MUC4: variants seen among roughly 807,000 people sequenced by gnomAD.
MUC4 encodes mucin 4, cell surface associated.
MUC4 carries 202 observed loss-of-function variants against 257.9 expected under a neutral mutation model. The ratio of observed to expected loss-of-function variants is 0.78; its 90% confidence interval spans 0.70 to 0.88. The LOEUF (loss-of-function observed/expected upper bound fraction) is 0.88, where lower values mean the gene tolerates loss of function less well. Ranked by LOEUF, MUC4 falls within the 40% of genes least tolerant of loss-of-function variation. MUC4 has a pLI of 0.00. For synonymous variants in MUC4, 2,351 were observed against 2,757.1 expected (o/e 0.85, Z 4.62); for missense variants, 5,976 against 6,513.7 (o/e 0.92, Z 2.84).
In MUC4 at chr3:195,790,529, T is replaced by C. The variant is rs751894589; in HGVS notation, c.1051A>G (p.Thr351Ala). The change falls in exon 2 of 25, where the codon ACT (threonine) becomes GCT (alanine). Residue 351 changes from threonine to alanine, a missense_variant. This residue lies in a region of MUC4 where 1,583 missense variants were observed against 1,257.4 expected (regional missense o/e 1.26). Coordinates refer to ENST00000463781, the MANE Select transcript of MUC4 (RefSeq NM_018406.7). ...LNTLTPVTTSTVLSSPSGFNP... is the reference protein window; with the variant it reads ...LNTLTPVTTSAVLSSPSGFNP... ...AATCCACTTGGTGAGGATAAAACAG[T>C]TGATGTTGTAACCGGTGTGAGGGTG... 6.2e-7 allele frequency: 1 copy of C among 1,613,904 alleles called. No homozygotes were observed. Among genetic ancestry groups the C allele is most frequent in the South Asian group, 1.1e-5 (1 of 91,072 alleles).
rs112080314 is a variant in MUC4 at position 195,766,677 on chromosome 3, A to T, written c.13604T>A (p.Leu4535Gln). The stretch of plus-strand genomic sequence containing the variant: ...GGCACTTTTACCTGAGTTGGAATTC[A>T]GGAATCTATCAGGGCGATACCTCTC... ...VWERYRPDRF[L>Q]NSNSGLQGLQ... is the part of the protein sequence containing the mutation. Residue 4535 changes from leucine (L) to glutamine (Q), a missense_variant, in exon 8 of 25, where the codon CTG (leucine) becomes CAG (glutamine). Physicochemically the swap from Leu to Gln is moderately radical, Grantham distance 113 (BLOSUM62 -2). This residue lies in a region of MUC4 where 996 missense variants were observed against 1,137.3 expected (regional missense o/e 0.88). Coordinates refer to ENST00000463781, the MANE Select transcript of MUC4 (RefSeq NM_018406.7). 1.2e-6 allele frequency: 2 copies of T among 1,614,186 alleles called. No individual in the cohort carries two copies. The highest frequency in any genetic ancestry group is 2.7e-5 in the African/African-American group (2 of 75,056).
intron 1 of MUC4, among the ~76,000 whole-genome samples, chr3:195,793,084 TAACA>T (rs112089640): frequency 2.0e-5 from 3 of 151,940 alleles, no homozygotes; most frequent in African/African-American, 7.2e-5. Flanking sequence ...TATACCTGTG[TAACA>T]AACCTGCACG....
At chr3:195,747,516 C>T in intron 24 of MUC4, 136 bp from the exon 25 acceptor site, 1 of 1,086,118 alleles carries the variant, frequency 9.2e-7, no homozygotes, top group Non-Finnish European at 1.3e-6. Flanking sequence ...TGAGTCAGCC[C>T]TGAGGCCGTG....
At position 195,784,635 on chromosome 3, in the gene MUC4, T is replaced by G. The variant is rs6764460; in HGVS notation, c.6945A>C (p.Thr2315=). Residue 2315 remains threonine, a synonymous_variant, in exon 2 of 25, where the codon ACA becomes ACC. Coordinates refer to ENST00000463781, the MANE Select transcript of MUC4 (RefSeq NM_018406.7). ...TGACAGGAAGAGGGGTGGCGTGACCTGTGGATGCTGAGGAAGCGTCGGTGA... is the reference window on the plus strand; with the variant it reads ...TGACAGGAAGAGGGGTGGCGTGACCGGTGGATGCTGAGGAAGCGTCGGTGA... ...LHVTDASSAS[T]GHATPLPVTS... The G allele has an allele frequency of 5.8e-6, 8 of 1,387,934 alleles. No individual in the cohort carries two copies. The highest frequency in any genetic ancestry group is 2.2e-5 in the Admixed American group (1 of 46,100). The allele number at this position is 1,387,934 out of a possible 1,614,324, so 86.0% of individuals were successfully genotyped here.
intron 1 of MUC4, among the ~76,000 whole-genome samples, chr3:195,795,733 T>C (rs1008363344): frequency 1.3e-5 from 2 of 151,460 alleles, no homozygotes; most frequent in Admixed American, 6.6e-5. Flanking sequence ...GAATGAAGGA[T>C]ATAGTAACAG....
chr3:195,800,422 G>A (rs142104389), intron 1 of MUC4, among the ~76,000 whole-genome samples: 148 of 152,334 alleles, frequency 9.7e-4, no homozygotes, highest in African/African-American at 3.3e-3. Flanking sequence ...GTCACTGCAT[G>A]TGGAGGACAT....
chr3:195,780,344 G>A lies in MUC4; in HGVS notation c.11236C>T (p.Pro3746Ser), dbSNP rs1192833264. Reference sequence around the variant, plus strand: ...GATGCTGAGGAAGTGCTGGTGACAGGAAGAGGGGTGACGTGACCTGTGGAT... The same window carrying A: ...GATGCTGAGGAAGTGCTGGTGACAGAAAGAGGGGTGACGTGACCTGTGGAT... ...SASTGHVTPLPVTSTSSASTG... is the reference protein window; with the variant it reads ...SASTGHVTPLSVTSTSSASTG... Residue 3746 changes from proline (P) to serine (S), a missense_variant, in exon 2 of 25, where the codon CCT becomes TCT. Coordinates refer to ENST00000463781, the MANE Select transcript of MUC4 (RefSeq NM_018406.7). The A allele has an allele frequency of 2.8e-6, 4 of 1,414,426 alleles. No individual in the cohort carries two copies. Among genetic ancestry groups the A allele is most frequent in the Non-Finnish European group, 3.8e-6 (4 of 1,044,754 alleles). 87.6% of individuals were successfully genotyped at this position (1,414,426 alleles called of 1,614,324 possible).
intron 7 of MUC4, among the ~76,000 whole-genome samples, chr3:195,767,721 CCACCATCACCACCACCAT>C (rs879559326): frequency 0.87 from 39,031 of 45,020 alleles, 18,581 homozygotes; most frequent in Admixed American, 0.91. Context: ...TCGGCCACCA[CCACCATCACCACCACCAT>C]CACCATCGCC....
At position 195,786,715 on chromosome 3, in the gene MUC4, GTGTCGGTGACA is replaced by G; in HGVS notation, c.4854_4864del (p.Val1619PhefsTer7). On this transcript the variant is annotated frameshift_variant, in exon 2 of 25. Transcript: ENST00000463781. LOFTEE classifies it high-confidence loss of function. ...GGTGTCACCTGTGGATGCTGAGGAA[GTGTCGGTGACA>G]GGAAGAGGGGTGGTGTGACCTGTAG... 3 of 1,519,316 alleles carry G rather than the reference GTGTCGGTGACA, an allele frequency of 2.0e-6. 1 individual carries two copies. Among genetic ancestry groups the G allele is most frequent in the Non-Finnish European group, 2.7e-6 (3 of 1,130,594 alleles). The allele number at this position is 1,519,316 out of a possible 1,614,324, so 94.1% of individuals were successfully genotyped here.
Position 195,746,960 on chromosome 3 carries a change from C to T in MUC4, c.*216G>A, listed in dbSNP as rs1412664343. The T allele has an allele frequency of 2.9e-6, 2 of 677,990 alleles. No homozygotes were observed. Among genetic ancestry groups the T allele is most frequent in the African/African-American group, 1.8e-5 (1 of 55,568 alleles). The allele number at this position is 677,990 out of a possible 1,614,324, so 42.0% of individuals were successfully genotyped here. A position where few individuals can be genotyped will look rare whatever the true frequency, so the allele number is the denominator to read the frequency against. The stretch of plus-strand genomic sequence containing the variant: ...TCTGTGGGTGTGTCTGCGTGAGGAC[C>T]CATCCATGCATGTTTGATCTTTATG... On this transcript the variant is annotated 3_prime_UTR_variant, in exon 25 of 25. Coordinates refer to ENST00000463781, the MANE Select transcript of MUC4 (RefSeq NM_018406.7).
intron 1 of MUC4, among the ~76,000 whole-genome samples, chr3:195,802,143 T>C (rs1225153740): frequency 1.3e-5 from 2 of 152,204 alleles, no homozygotes; most frequent in African/African-American, 2.4e-5. Context: ...CAATCTTTCC[T>C]TGCAAGCTTT....
At chr3:195,778,557 C>T (rs1445449561) in intron 2 of MUC4, 102 bp from the exon 3 acceptor site, 20 of 1,458,226 alleles carry the variant, frequency 1.4e-5, no homozygotes, top group East Asian at 1.2e-4. Flanking sequence ...GAGCTGGAAA[C>T]TCCTTGTCTC....
intron 1 of MUC4, among the ~76,000 whole-genome samples, chr3:195,795,212 G>A (rs1385650308): frequency 6.6e-6 from 1 of 152,030 alleles, no homozygotes; most frequent in Non-Finnish European, 1.5e-5. Flanking sequence ...CTATCATCAG[G>A]CTTTGAGTAG....
In MUC4 at chr3:195,771,784, C is replaced by T; in HGVS notation, c.13110G>A (p.Glu4370=). The T allele has an allele frequency of 6.2e-7, 1 of 1,613,900 alleles. No individual in the cohort carries two copies. The highest frequency in any genetic ancestry group is 2.2e-5 in the East Asian group (1 of 44,880). ...FTDNGQIIFP[E]SDYQIFSYPN... is the part of the protein sequence containing the mutation. The stretch of plus-strand genomic sequence containing the variant: ...GGTAGGAGAAAATCTGGTAGTCTGA[C>T]TCTGGGAAGATGATCTGGCCATTGT... Residue 4370 remains glutamate, a synonymous_variant, in exon 5 of 25, where the codon GAG becomes GAA. Transcript: ENST00000463781.
rs199968460 is a variant in MUC4, at chr3:195,782,635, G to A, written c.8945C>T (p.Thr2982Ile). Residue 2982 changes from threonine to isoleucine, a missense_variant, in exon 2 of 25, where the codon ACT becomes ATT. Physicochemically the swap from Thr to Ile is moderately conservative, Grantham distance 89 (BLOSUM62 -1). Coordinates refer to ENST00000463781, the MANE Select transcript of MUC4 (RefSeq NM_018406.7). ...GGCGTGACCTGTGGATGCTGAGGAA[G>A]TGTCGGTGTCAGGAAGAGGGGTGGC... ...GHATPLPDTD[T>I]SSASTGHATL... 3 of 906,036 alleles carry A rather than the reference G, an allele frequency of 3.3e-6. No homozygotes were observed. Among genetic ancestry groups the A allele is most frequent in the Non-Finnish European group, 4.7e-6 (3 of 634,280 alleles). 56.1% of individuals were successfully genotyped at this position (906,036 alleles called of 1,614,324 possible). A position where few individuals can be genotyped will look rare whatever the true frequency, so the allele number is the denominator to read the frequency against.
rs575371824 is a variant in MUC4, at chr3:195,761,752, C to CGT, written c.14513-169_14513-168dup. 1.4e-3 allele frequency among the ~76,000 whole-genome samples: 214 copies of CGT among 152,170 alleles called. 1 individual carries two copies. The highest frequency in any genetic ancestry group is 2.6e-3 in the Non-Finnish European group (180 of 68,012). ...GGAGGACGGGCCCTCACACCCTGCC[C>CGT]GTCTGCCTTCGGGAGGGGCGGGAGG... is the stretch of plus-strand genomic sequence containing the variant. On this transcript the variant is annotated intron_variant, in intron 14 of 24. Coordinates refer to ENST00000463781, the MANE Select transcript of MUC4 (RefSeq NM_018406.7).
At chr3:195,765,946 C>T (rs844518) in intron 8 of MUC4, among the ~76,000 whole-genome samples, 115,804 of 151,764 alleles carry the variant, frequency 0.76, 45,217 homozygotes, top group African/African-American at 0.93. Context: ...ACGTGAGACC[C>T]CCGGGCCTCT....
chr3:195,751,444 G>T (rs1030550825), intron 21 of MUC4, 173 bp from the exon 22 acceptor site: 2 of 629,294 alleles, frequency 3.2e-6, no homozygotes, highest in Non-Finnish European at 5.8e-6. Flanking sequence ...AGCTCAGTGA[G>T]TGTCATGGGT....
At position 195,783,167 on chromosome 3, in the gene MUC4, C is replaced by G. The variant is rs1411101507; in HGVS notation, c.8413G>C (p.Asp2805His). The G allele has an allele frequency of 2.9e-6, 4 of 1,400,476 alleles. 1 individual carries two copies. In the East Asian group the frequency reaches 1.0e-4, roughly 35 times the overall value. 86.8% of individuals were successfully genotyped at this position (1,400,476 alleles called of 1,614,324 possible). A position where few individuals can be genotyped will look rare whatever the true frequency, so the allele number is the denominator to read the frequency against. The change falls in exon 2 of 25, where the codon GAC becomes CAC. Residue 2805 changes from aspartate (D) to histidine (H), a missense_variant. Asp to His is a moderately conservative substitution (Grantham distance 81, BLOSUM62 -1). This residue lies in a region of MUC4 where 228 missense variants were observed against 206.3 expected (regional missense o/e 1.11). Coordinates refer to ENST00000463781, the MANE Select transcript of MUC4 (RefSeq NM_018406.7). ...TGACCTGTGGACACTGACGAAGCGTCGGTGACAGGAAGAGGGGTGGTGTGA... is the reference window on the plus strand; with the variant it reads ...TGACCTGTGGACACTGACGAAGCGTGGGTGACAGGAAGAGGGGTGGTGTGA... The part of the protein sequence containing the change: ...TGHTTPLPVT[D>H]ASSVSTGHAT...
Sources: allele counts gnomAD v4.1 joint callset (sites outside exome capture counted in the v4.1 genomes callset), GRCh38; gene constraint gnomAD v4.1.1; regional missense constraint gnomAD v4.1.1; transcripts MANE v1.5; gene names NCBI Gene and HGNC (gene_info 2026-07-23, HGNC 2026-07-21).